The following ZNF512B variants were observed in gnomAD, a reference collection of about 807,000 sequenced individuals.
The protein encoded by ZNF512B is zinc finger protein 512B.
A neutral mutation model predicts 87.8 loss-of-function variants in ZNF512B; 22 were observed. That is an observed-to-expected ratio of 0.25 (90% CI 0.18 to 0.36). The LOEUF (loss-of-function observed/expected upper bound fraction) is 0.36. ZNF512B is among the 10% of genes least tolerant of loss of function. The pLI, the probability that ZNF512B is intolerant of heterozygous loss-of-function variation, is 1.00. For synonymous variants in ZNF512B, 524 were observed against 490.9 expected (o/e 1.07, Z -0.89); for missense variants, 1,060 against 1,231.6 (o/e 0.86, Z 2.09).
intron 9 of ZNF512B, 30 bp from the exon 10 acceptor site, chr20:63,963,740 C>T: frequency 1.2e-6 from 2 of 1,613,140 alleles, no homozygotes; most frequent in Non-Finnish European, 8.5e-7. Flanking sequence ...GAGAAGCCTG[C>T]CTGGGGCCAG....
chr20:63,969,492 C>T (rs1460162865), intron 1 of ZNF512B, among the ~76,000 whole-genome samples: 1 of 151,024 alleles, frequency 6.6e-6, no homozygotes, highest in Non-Finnish European at 1.5e-5. Context: ...CAGGGACGCG[C>T]ACCTGGGGCC....
chr20:63,959,617 G>A lies in ZNF512B; in HGVS notation c.*271C>T. On this transcript the variant is annotated 3_prime_UTR_variant, in exon 17 of 17. Coordinates refer to ENST00000369888, the MANE Select transcript of ZNF512B (RefSeq NM_020713.3). ...CAGCCCCTGTGGCACCAAGACCCCA[G>A]ACACATTCCCATGAGGAGGGGCAAC... The A allele has an allele frequency of 2.0e-6, 1 of 488,342 alleles. No homozygotes were observed. Among genetic ancestry groups the A allele is most frequent in the Non-Finnish European group, 3.6e-6 (1 of 280,648 alleles). The allele number at this position is 488,342 out of a possible 1,614,324, so 30.3% of individuals were successfully genotyped here.
chr20:63,963,582 GGTCACGCT>G, intron 10 of ZNF512B, 28 bp downstream of exon 10: 1 of 1,611,128 alleles, frequency 6.2e-7, no homozygotes, highest in Admixed American at 1.7e-5. Context: ...CGAGGTCAGA[GGTCACGCT>G]GGACGGGAGC....
rs369747118 is a variant in ZNF512B at position 63,967,836 on chromosome 20, T to C, written c.115A>G (p.Lys39Glu). 1.4e-5 allele frequency: 23 copies of C among 1,612,060 alleles called. No homozygotes were observed. The African/African-American group carries it at 2.9e-4, about 21-fold the overall frequency. The change falls in exon 2 of 17, where the codon AAG (lysine) becomes GAG (glutamate). Residue 39 changes from lysine (K) to glutamate (E), a missense_variant. By Grantham distance (56) the Lys-to-Glu change is moderately conservative (BLOSUM62 1). Transcript: ENST00000369888. ...TGGCCCTGACTCCTCTTACCCATCTTCGGTGGGTCATGCAGCATTGGAAGT... is the reference window on the plus strand; with the variant it reads ...TGGCCCTGACTCCTCTTACCCATCTCCGGTGGGTCATGCAGCATTGGAAGT... ...VRLPMLHDPP[K>E]MGMPVVRGGQ...
chr20:63,960,526 T>G (rs1439953056), intron 16 of ZNF512B, among the ~76,000 whole-genome samples: 1 of 123,844 alleles, frequency 8.1e-6, no homozygotes, highest in Non-Finnish European at 1.7e-5. Context: ...GGACACAGCC[T>G]TCAGGACCAG....
intron 1 of ZNF512B, among the ~76,000 whole-genome samples, chr20:63,968,654 T>C (rs1179310425): frequency 6.6e-6 from 1 of 152,192 alleles, no homozygotes; most frequent in Admixed American, 6.5e-5. Flanking sequence ...TACCTGATGC[T>C]CTTCGCAGAC....
rs765901997 is a variant in ZNF512B at position 63,962,622 on chromosome 20, G to A, written c.2128C>T (p.Arg710Cys). ...DELARDWTKRRMKDDLVPETA... is the reference protein window; with the variant it reads ...DELARDWTKRCMKDDLVPETA... ...TCGGGCACAAGGTCATCCTTCATGC[G>A]CCGCTTGGTCCAGTCGCGGGCCAGC... is the stretch of plus-strand genomic sequence containing the variant. Residue 710 changes from arginine (R) to cysteine (C), a missense_variant, in exon 13 of 17, where the codon CGC (arginine) becomes TGC (cysteine). Coordinates refer to ENST00000369888, the MANE Select transcript of ZNF512B (RefSeq NM_020713.3). The A allele has an allele frequency of 3.2e-5, 51 of 1,607,462 alleles. 1 individual carries two copies. Among genetic ancestry groups the A allele is most frequent in the Admixed American group, 3.4e-5 (2 of 59,640 alleles).
Position 63,960,150 on chromosome 20 carries a change from A to T in ZNF512B, c.2428-11T>A, listed in dbSNP as rs2058834101. 2 of 1,612,750 alleles carry T rather than the reference A, an allele frequency of 1.2e-6. No homozygotes were observed. The highest frequency in any genetic ancestry group is 2.2e-5 in the South Asian group (2 of 91,016). ...TGTTCGGAACCAGTTCTGGGGAGAG[A>T]AAAGCGCTGATGAAGACCTGGGACT... On this transcript the variant is annotated splice_polypyrimidine_tract_variant and intron_variant, in intron 16 of 16. Coordinates refer to ENST00000369888, the MANE Select transcript of ZNF512B (RefSeq NM_020713.3).
chr20:63,956,812 G>A lies in ZNF512B; in HGVS notation c.*3076C>T, dbSNP rs555688251. ...GGGCGCGGGGCGGGGACGAGGACCG[G>A]GGACAGATGGTCACAAGGCGGGCGG... On this transcript the variant is annotated 3_prime_UTR_variant, in exon 17 of 17. Transcript: ENST00000369888. The A allele has an allele frequency of 6.5e-6, 1 of 153,890 alleles. No homozygotes were observed. The allele number at this position is 153,890 out of a possible 1,614,324, so 9.5% of individuals were successfully genotyped here.
At position 63,964,686 on chromosome 20, in the gene ZNF512B, A is replaced by T; in HGVS notation, c.1065T>A (p.Ile355=). The T allele has an allele frequency of 1.2e-6, 2 of 1,611,614 alleles. No homozygotes were observed. The highest frequency in any genetic ancestry group is 1.7e-6 in the Non-Finnish European group (2 of 1,179,936). The change falls in exon 6 of 17, where the codon ATT becomes ATA. Residue 355 remains isoleucine, a synonymous_variant. Transcript: ENST00000369888. Reference sequence around the variant, plus strand: ...TCTCTGGCCTGGCCTGCTTGGGTGGAATTGGGCAGGTGTCCAGGCTGTCCG... The same window carrying T: ...TCTCTGGCCTGGCCTGCTTGGGTGGTATTGGGCAGGTGTCCAGGCTGTCCG... ...RAADSLDTCP[I]PPKQARPENG...
At chr20:63,960,317 C>T (rs1344931540) in intron 16 of ZNF512B, among the ~76,000 whole-genome samples, 178 bp from the exon 17 acceptor site, 9 of 141,938 alleles carry the variant, frequency 6.3e-5, no homozygotes, top group Admixed American at 4.2e-4. Flanking sequence ...ACACAGCCTT[C>T]GGGACCAGGC....
chr20:63,969,655 G>A (rs2058960844), intron 1 of ZNF512B, among the ~76,000 whole-genome samples, 159 bp downstream of exon 1: 1 of 143,186 alleles, frequency 7.0e-6, no homozygotes, highest in Admixed American at 6.8e-5. Context: ...GAGGCAGGAA[G>A]ACGGCGCCGG....
intron 2 of ZNF512B, 52 bp from the exon 3 acceptor site, chr20:63,967,575 C>A: frequency 6.5e-7 from 1 of 1,534,606 alleles, no homozygotes; most frequent in Non-Finnish European, 8.8e-7. Context: ...CCGCCTACCA[C>A]CGGCGGCTGC....
Position 63,966,231 on chromosome 20 carries a change from C to T in ZNF512B, c.944G>A (p.Ser315Asn). 6.2e-7 allele frequency: 1 copy of T among 1,614,018 alleles called. No individual in the cohort carries two copies. The highest frequency in any genetic ancestry group is 8.5e-7 in the Non-Finnish European group (1 of 1,180,050). ...CATTTTGCAGGGCGGTGTGTGTCTG[C>T]TGATAGCAATGGGCCTGCTGACTGT... ...PVTVSRPIAI[S>N]RHTPPCKMVL... Residue 315 changes from serine (S) to asparagine (N), a missense_variant, in exon 5 of 17, where the codon AGC (serine) becomes AAC (asparagine). Ser to Asn is a conservative substitution (Grantham distance 46). This residue lies in a region of ZNF512B where 201 missense variants were observed against 226.8 expected (regional missense o/e 0.89). Coordinates refer to ENST00000369888, the MANE Select transcript of ZNF512B (RefSeq NM_020713.3).
rs1477323054 is a variant in ZNF512B, at chr20:63,967,579, C to A, written c.122-56G>T. ...GCTGTGTAGCACCGCCTACCACCGG[C>A]GGCTGCACAGGCCCACAGTGAGCAC... On this transcript the variant is annotated intron_variant, in intron 2 of 16. Transcript: ENST00000369888. The A allele has an allele frequency of 1.2e-5, 19 of 1,531,282 alleles. No homozygotes were observed. In the South Asian group the frequency reaches 1.6e-4, roughly 13 times the overall value. The allele number at this position is 1,531,282 out of a possible 1,614,324, so 94.9% of individuals were successfully genotyped here.
Position 63,960,073 on chromosome 20 carries a change from T to C in ZNF512B, c.2494A>G (p.Lys832Glu). The C allele has an allele frequency of 1.9e-6, 3 of 1,613,964 alleles. No homozygotes were observed. Among genetic ancestry groups the C allele is most frequent in the Non-Finnish European group, 2.5e-6 (3 of 1,180,016 alleles). The change falls in exon 17 of 17, where the codon AAG becomes GAG. Residue 832 changes from lysine (K) to glutamate (E), a missense_variant. Lys to Glu is a moderately conservative substitution (Grantham distance 56). Transcript: ENST00000369888. ...HRSQDSLVPKKEKKKNLAGGK... is the reference protein window; with the variant it reads ...HRSQDSLVPKEEKKKNLAGGK... Reference sequence around the variant, plus strand: ...CCTGCCAGATTTTTCTTCTTTTCCTTCTTGGGCACCAATGAGTCCTGGCTC... The same window carrying C: ...CCTGCCAGATTTTTCTTCTTTTCCTCCTTGGGCACCAATGAGTCCTGGCTC...
chr20:63,967,149 G>A, intron 3 of ZNF512B, 145 bp from the exon 4 acceptor site: 1 of 1,371,082 alleles, frequency 7.3e-7, no homozygotes. Context: ...GGGAATTCAA[G>A]CCACCTGGCA....
chr20:63,963,017 C>T (rs1226271783), intron 12 of ZNF512B, 78 bp downstream of exon 12: 4 of 1,452,854 alleles, frequency 2.8e-6, no homozygotes, highest in East Asian at 2.5e-5. Context: ...TGGACAAATA[C>T]AGTTGGCACC....
intron 1 of ZNF512B, chr20:63,969,017 G>T: frequency 1.5e-6 from 1 of 686,754 alleles, no homozygotes; most frequent in Non-Finnish European, 1.8e-6. Flanking sequence ...GATGGGAAGG[G>T]GCTGCTGTGT....
Sources: allele counts gnomAD v4.1 joint callset (sites outside exome capture counted in the v4.1 genomes callset), GRCh38; gene constraint gnomAD v4.1.1; regional missense constraint gnomAD v4.1.1; transcripts MANE v1.5; gene names NCBI Gene and HGNC (gene_info 2026-07-23, HGNC 2026-07-21).